CHCHD3: variants seen among roughly 807,000 people sequenced by gnomAD.
CHCHD3 encodes the protein coiled-coil-helix-coiled-coil-helix domain containing 3.
In CHCHD3, 20 loss-of-function variants were observed where a neutral mutation model predicts 38.2. The observed-to-expected ratio is 0.52, with a 90% CI of 0.37 to 0.76. The LOEUF is 0.76. CHCHD3 is among the 30% of genes least tolerant of loss of function. The pLI is 0.00. For synonymous variants in CHCHD3, 82 were observed against 100.0 expected (o/e 0.82, Z 1.07); for missense variants, 245 against 279.2 (o/e 0.88, Z 0.87).
intron 3 of CHCHD3, among the ~76,000 whole-genome samples, chr7:132,985,518 C>G (rs1162053806): frequency 1.3e-5 from 1 of 78,730 alleles, no homozygotes; most frequent in Non-Finnish European, 2.6e-5. Context: ...GGTCAGCCCC[C>G]GGCCCGGCCA....
intron 6 of CHCHD3, among the ~76,000 whole-genome samples, chr7:132,829,883 C>T (rs182977909): frequency 2.6e-4 from 39 of 152,250 alleles, no homozygotes; most frequent in African/African-American, 6.3e-4. Context: ...CCCTTTTTAT[C>T]CCTATATTCC....
intron 5 of CHCHD3, among the ~76,000 whole-genome samples, chr7:132,841,707 A>T (rs371434063): frequency 2.6e-5 from 4 of 152,208 alleles, no homozygotes; most frequent in East Asian, 3.8e-4. Flanking sequence ...GCACAAAAGG[A>T]GCAGGATGCC....
intron 2 of CHCHD3, among the ~76,000 whole-genome samples, chr7:133,067,597 T>C (rs917166332): frequency 6.6e-6 from 1 of 152,350 alleles, no homozygotes; most frequent in East Asian, 1.9e-4. Flanking sequence ...GGTATTTATA[T>C]GCAAGACCCG....
chr7:132,868,424 G>T (rs1018557180), intron 5 of CHCHD3, among the ~76,000 whole-genome samples: 7 of 152,024 alleles, frequency 4.6e-5, no homozygotes, highest in Non-Finnish European at 1.0e-4. Context: ...TGCCTTTTGA[G>T]TAATTTAGTC....
intron 4 of CHCHD3, among the ~76,000 whole-genome samples, chr7:132,909,414 C>A (rs2117216816): frequency 6.6e-6 from 1 of 152,222 alleles, no homozygotes; most frequent in African/African-American, 2.4e-5. Context: ...TCGCTTGAAC[C>A]CAGGAAGTGG....
At chr7:132,987,568 C>T (rs1269082601) in intron 3 of CHCHD3, among the ~76,000 whole-genome samples, 3 of 152,112 alleles carry the variant, frequency 2.0e-5, no homozygotes, top group South Asian at 2.1e-4. Context: ...CAGCGCCAGA[C>T]GATGAGAAGA....
chr7:132,971,282 A>T (rs1001166187), intron 4 of CHCHD3, among the ~76,000 whole-genome samples: 7 of 152,198 alleles, frequency 4.6e-5, no homozygotes, highest in African/African-American at 1.7e-4. Flanking sequence ...ATTTTCATGC[A>T]GGTAAAATCA....
Position 133,078,595 on chromosome 7 carries a change from T to C in CHCHD3, c.81+3262A>G, listed in dbSNP as rs13234617. 3.9e-5 allele frequency among the ~76,000 whole-genome samples: 6 copies of C among 152,186 alleles called. No homozygotes were observed. The South Asian group carries it at 1.0e-3, about 26-fold the overall frequency. On this transcript the variant is annotated intron_variant, in intron 1 of 7. Coordinates refer to ENST00000262570, the MANE Select transcript of CHCHD3 (RefSeq NM_017812.4). ...AAATAAAGGAAGATGAAATTATAGA[T>C]GCTCCTTGGTTTACAACGGATTTTG...
In CHCHD3 at chr7:132,866,504, A is replaced by G. The variant is rs149859957; in HGVS notation, c.453+19158T>C. 2.6e-5 allele frequency among the ~76,000 whole-genome samples: 4 copies of G among 152,340 alleles called. No homozygotes were observed. The East Asian group carries it at 7.7e-4, about 29-fold the overall frequency. ...TACTCTTCATTTTGAATAGCTTGGT[A>G]GGATTGTTAGTGTTGACTTGGGTTT... On this transcript the variant is annotated intron_variant, in intron 5 of 7. Transcript: ENST00000262570.
chr7:132,956,758 GA>G lies in CHCHD3; in HGVS notation c.369+18410del, dbSNP rs1308460925. The stretch of plus-strand genomic sequence containing the variant: ...TAGGCCTTTTCCTCATCATTCAAGA[GA>G]GATTACAGCATAAGACACCAGTTTC... On this transcript the variant is annotated intron_variant, in intron 4 of 7. Transcript: ENST00000262570. Among the ~76,000 whole-genome samples, 8 of 152,260 alleles carry G rather than the reference GA, an allele frequency of 5.3e-5. No homozygotes were observed. The East Asian group carries it at 9.7e-4, about 18-fold the overall frequency.
chr7:132,989,188 GCATT>G (rs1812204744), intron 3 of CHCHD3, among the ~76,000 whole-genome samples: 1 of 152,118 alleles, frequency 6.6e-6, no homozygotes, highest in African/African-American at 2.4e-5. Context: ...TATTTAACCA[GCATT>G]AAGTCCTGGT....
At chr7:132,965,085 G>GTGTGTGTGTGTGT (rs1381188760) in intron 4 of CHCHD3, among the ~76,000 whole-genome samples, 2 of 151,596 alleles carry the variant, frequency 1.3e-5, no homozygotes, top group Non-Finnish European at 2.9e-5. Context: ...GTGTGTGTGT[G>GTGTGTGTGTGTGT]TTTTACTTCC....
chr7:133,073,903 C>A (rs1244300405), intron 1 of CHCHD3, among the ~76,000 whole-genome samples: 2 of 152,146 alleles, frequency 1.3e-5, no homozygotes, highest in Non-Finnish European at 2.9e-5. Flanking sequence ...TGTTCTACGT[C>A]CATCTCCTTG....
chr7:132,837,729 T>C (rs1459073995), intron 6 of CHCHD3, among the ~76,000 whole-genome samples: 2 of 152,232 alleles, frequency 1.3e-5, no homozygotes, highest in African/African-American at 4.8e-5. Flanking sequence ...GTGCTACTAA[T>C]AGAGGTTACA....
chr7:133,009,112 C>G (rs1244583211), intron 3 of CHCHD3, among the ~76,000 whole-genome samples: 2 of 151,902 alleles, frequency 1.3e-5, no homozygotes, highest in African/African-American at 4.8e-5. Flanking sequence ...ACCTGTAATC[C>G]CAGCACTTTG....
At chr7:132,850,038 T>C (rs761791576) in intron 5 of CHCHD3, among the ~76,000 whole-genome samples, 3 of 152,212 alleles carry the variant, frequency 2.0e-5, no homozygotes, top group Non-Finnish European at 4.4e-5. Flanking sequence ...CCTAAGATGT[T>C]TGCTTTTTTG....
intron 5 of CHCHD3, among the ~76,000 whole-genome samples, chr7:132,843,656 A>G (rs1052515264): frequency 2.6e-5 from 4 of 152,216 alleles, no homozygotes; most frequent in African/African-American, 9.6e-5. Context: ...GAGAGGTAGG[A>G]GCACAACTAT....
At chr7:132,840,454 A>G (rs759076097) in intron 5 of CHCHD3, among the ~76,000 whole-genome samples, 6 of 152,226 alleles carry the variant, frequency 3.9e-5, no homozygotes, top group Non-Finnish European at 8.8e-5. Flanking sequence ...TGGAACTGTA[A>G]TATCTGGAGA....
chr7:132,961,018 C>T (rs1238206217), intron 4 of CHCHD3, among the ~76,000 whole-genome samples: 1 of 152,104 alleles, frequency 6.6e-6, no homozygotes, highest in Non-Finnish European at 1.5e-5. Flanking sequence ...GCATCTCACA[C>T]CTGTCATCCC....
Sources: allele counts gnomAD v4.1 joint callset (sites outside exome capture counted in the v4.1 genomes callset), GRCh38; gene constraint gnomAD v4.1.1; transcripts MANE v1.5; gene names NCBI Gene and HGNC (gene_info 2026-07-23, HGNC 2026-07-21).